PTPRC: variants seen among roughly 807,000 people sequenced by gnomAD.
The protein encoded by PTPRC is protein tyrosine phosphatase receptor type C, also known as receptor-type tyrosine-protein phosphatase C.
PTPRC carries 44 observed loss-of-function variants against 155.9 expected under a neutral mutation model. That is an observed-to-expected ratio of 0.28 (90% CI 0.22 to 0.36). The LOEUF (loss-of-function observed/expected upper bound fraction) is 0.36, where lower values mean the gene tolerates loss of function less well. PTPRC is among the 10% of genes least tolerant of loss of function. PTPRC has a pLI of 1.00. For synonymous variants in PTPRC, 525 were observed against 533.1 expected (o/e 0.98, Z 0.21); for missense variants, 1,401 against 1,564.6 (o/e 0.90, Z 1.76).
intron 2 of PTPRC, among the ~76,000 whole-genome samples, chr1:198,682,026 C>T (rs1665364431): frequency 1.3e-5 from 2 of 152,160 alleles, no homozygotes; most frequent in East Asian, 3.8e-4. Flanking sequence ...TCTTCCTTTC[C>T]TATAAAGACT....
chr1:198,657,220 A>G (rs149719044), intron 2 of PTPRC, among the ~76,000 whole-genome samples: 2 of 152,052 alleles, frequency 1.3e-5, no homozygotes, highest in African/African-American at 4.8e-5. Context: ...TAGATAATTA[A>G]TCTTTAAGAA....
intron 2 of PTPRC, among the ~76,000 whole-genome samples, chr1:198,666,250 A>AG (rs1485492818): frequency 6.6e-6 from 1 of 151,802 alleles, no homozygotes; most frequent in Non-Finnish European, 1.5e-5. Flanking sequence ...CAAAAAAAAA[A>AG]AAAAAAAAAA....
intron 20 of PTPRC, among the ~76,000 whole-genome samples, chr1:198,733,217 C>A (rs1265365112): frequency 6.6e-6 from 1 of 151,434 alleles, no homozygotes; most frequent in East Asian, 1.9e-4. Context: ...TTCTTTTTGT[C>A]TCCCCAAATC....
chr1:198,695,005 AATAACACAC>A (rs1666124203), intron 3 of PTPRC: 1 of 960,006 alleles, frequency 1.0e-6, no homozygotes, highest in African/African-American at 1.8e-5. Flanking sequence ...TTCATTAGAA[AATAACACAC>A]ATAACAAGTC....
Position 198,728,432 on chromosome 1 carries a change from C to A in PTPRC, c.1813C>A (p.His605Asn), listed in dbSNP as rs778714061. The A allele has an allele frequency of 2.7e-5, 43 of 1,612,184 alleles. No individual in the cohort carries two copies. The highest frequency in any genetic ancestry group is 3.4e-5 in the Non-Finnish European group (40 of 1,179,214). The change falls in exon 16 of 33, where the codon CAT becomes AAT. Residue 605 changes from histidine to asparagine, a missense_variant. His to Asn is a moderately conservative substitution (Grantham distance 68). Around this residue, in one of 3 missense-constraint regions of PTPRC, gnomAD observed 867 missense variants for 970.4 expected, o/e 0.89. Transcript: ENST00000442510. ...LVVLYKIYDL[H>N]KKRSCNLDEQ... is the part of the protein sequence containing the mutation. Reference sequence around the variant, plus strand: ...TGTTCTCTACAAAATCTATGATCTACATAAGAAAAGATCCTGGTAAGAGTT... The same window carrying A: ...TGTTCTCTACAAAATCTATGATCTAAATAAGAAAAGATCCTGGTAAGAGTT...
intron 2 of PTPRC, among the ~76,000 whole-genome samples, chr1:198,665,947 T>C (rs1180649700): frequency 6.6e-6 from 1 of 152,122 alleles, no homozygotes; most frequent in Non-Finnish European, 1.5e-5. Flanking sequence ...AAAGGGCAGG[T>C]CATCATCATT....
chr1:198,742,195 T>C, intron 24 of PTPRC, 37 bp from the exon 25 acceptor site: 3 of 1,612,038 alleles, frequency 1.9e-6, no homozygotes, highest in Non-Finnish European at 2.5e-6. Flanking sequence ...AGCTTTTCCA[T>C]GATCATGCCT....
chr1:198,678,383 A>T (rs1665083958), intron 2 of PTPRC, among the ~76,000 whole-genome samples: 1 of 152,202 alleles, frequency 6.6e-6, no homozygotes, highest in East Asian at 1.9e-4. Flanking sequence ...CAAACAGCAG[A>T]ATTAACCCAA....
At chr1:198,699,958 A>G in intron 5 of PTPRC, 1 of 570,628 alleles carries the variant, frequency 1.8e-6, no homozygotes, top group Non-Finnish European at 3.1e-6. Flanking sequence ...AGAATAGTCT[A>G]TTTTTTATAT....
chr1:198,661,766 TCTTC>T (rs1269401403), intron 2 of PTPRC, among the ~76,000 whole-genome samples: 2 of 152,198 alleles, frequency 1.3e-5, no homozygotes, highest in Non-Finnish European at 2.9e-5. Context: ...GACCATACTT[TCTTC>T]CTTATAATAA....
At position 198,696,812 on chromosome 1, in the gene PTPRC, T is replaced by C; in HGVS notation, c.201T>C (p.Asn67=). The C allele has an allele frequency of 6.2e-7, 1 of 1,613,930 alleles. No homozygotes were observed. The highest frequency in any genetic ancestry group is 8.5e-7 in the Non-Finnish European group (1 of 1,179,854). ...FSPASTFERE[N]DFSETTTSLS... is the part of the protein sequence containing the mutation. ...CCGCAAGCACCTTTGAAAGAGAAAA[T>C]GACTTCTCAGAGACCACAACTTCTC... The change falls in exon 4 of 33, where the codon AAT becomes AAC. Residue 67 remains asparagine (N), a synonymous_variant. Coordinates refer to ENST00000442510, the MANE Select transcript of PTPRC (RefSeq NM_002838.5).
At chr1:198,698,159 A>G (rs1666293277) in intron 4 of PTPRC, among the ~76,000 whole-genome samples, 1 of 152,242 alleles carries the variant, frequency 6.6e-6, no homozygotes, top group African/African-American at 2.4e-5. Context: ...AAATAAAAAC[A>G]TGCAACATTC....
intron 2 of PTPRC, among the ~76,000 whole-genome samples, chr1:198,670,004 G>A (rs888413987): frequency 1.3e-5 from 2 of 152,026 alleles, no homozygotes; most frequent in Admixed American, 6.5e-5. Context: ...ACCTTAATAC[G>A]GAACTGTAAG....
intron 2 of PTPRC, among the ~76,000 whole-genome samples, chr1:198,667,580 C>T (rs1664394776): frequency 6.6e-6 from 1 of 152,186 alleles, no homozygotes; most frequent in Non-Finnish European, 1.5e-5. Flanking sequence ...GGCACTCATC[C>T]ATTCATTCAG....
intron 2 of PTPRC, among the ~76,000 whole-genome samples, chr1:198,679,396 ATTT>A (rs34684883): frequency 0.02 from 2,183 of 109,964 alleles, 24 homozygotes; most frequent in African/African-American, 0.034. Flanking sequence ...ACGCCCAGCT[ATTT>A]TTTTTTTTTT....
chr1:198,697,342 G>A (rs1666254347), intron 4 of PTPRC, among the ~76,000 whole-genome samples: 1 of 152,156 alleles, frequency 6.6e-6, no homozygotes, highest in Admixed American at 6.5e-5. Flanking sequence ...TCCAAAAATT[G>A]TTGAAGATAG....
At chr1:198,731,370 C>T (rs953382945) in intron 17 of PTPRC, among the ~76,000 whole-genome samples, 2 of 151,902 alleles carry the variant, frequency 1.3e-5, no homozygotes, top group Admixed American at 6.6e-5. Flanking sequence ...TTCTCTTAAG[C>T]ATAGAAAATG....
intron 2 of PTPRC, chr1:198,657,685 C>T (rs1663673849): frequency 6.6e-6 from 1 of 152,054 alleles, no homozygotes. Flanking sequence ...TATGGAAATA[C>T]CAGAAATCTG....
intron 2 of PTPRC, among the ~76,000 whole-genome samples, chr1:198,649,238 T>G (rs1342705638): frequency 1.3e-5 from 2 of 152,024 alleles, no homozygotes; most frequent in East Asian, 3.9e-4. Flanking sequence ...GATTTCCAGA[T>G]AGTCTGGTTT....
Sources: gnomAD v4.1 joint callset for allele counts (sites outside exome capture counted in the v4.1 genomes callset) on GRCh38, gnomAD v4.1.1 for gene constraint, gnomAD v4.1.1 regional missense constraint, MANE v1.5 for transcripts, NCBI Gene and HGNC (gene_info 2026-07-23, HGNC 2026-07-21) for gene names.